The following KCNIP4 variants were observed in gnomAD, a reference collection of about 807,000 sequenced individuals.
The protein encoded by KCNIP4 is Kv channel-interacting protein 4.
Under a neutral mutation model 34.0 loss-of-function variants are expected in KCNIP4, and 12 were observed. That is an observed-to-expected ratio of 0.35 (90% CI 0.23 to 0.57). The LOEUF (loss-of-function observed/expected upper bound fraction) is 0.57, where lower values mean the gene tolerates loss of function less well. Among genes scored for constraint, KCNIP4 ranks in the 20% least tolerant of loss-of-function variants. KCNIP4 has a pLI of 0.83. For synonymous variants in KCNIP4, 124 were observed against 102.2 expected, an observed-to-expected ratio of 1.21 and a Z score of -1.29; for missense variants, 238 against 311.7, an observed-to-expected ratio of 0.76 and a Z score of 1.78.
intron 1 of KCNIP4, among the ~76,000 whole-genome samples, chr4:20,944,941 TC>T: frequency 6.6e-6 from 1 of 152,158 alleles, no homozygotes; most frequent in African/African-American, 2.4e-5. Flanking sequence ...CTTAATAACT[TC>T]CCCAATGATC....
chr4:20,996,421 G>A (rs1015428590), intron 1 of KCNIP4, among the ~76,000 whole-genome samples: 6 of 152,122 alleles, frequency 3.9e-5, no homozygotes, highest in African/African-American at 1.4e-4. Context: ...TCAGACCAAT[G>A]TAATCCTGTC....
At chr4:20,901,502 A>C (rs2149552541) in intron 1 of KCNIP4, among the ~76,000 whole-genome samples, 1 of 152,334 alleles carries the variant, frequency 6.6e-6, no homozygotes, top group Non-Finnish European at 1.5e-5. Context: ...GTGTCATATT[A>C]GTCATCTGGA....
chr4:21,015,605 AATATAATATAATAT>A lies in KCNIP4; in HGVS notation c.62-132910_62-132897del, dbSNP rs1739441243. Among the ~76,000 whole-genome samples the A allele has an allele frequency of 4.7e-5, 6 of 126,572 alleles. 1 individual carries two copies. In the South Asian group the frequency reaches 1.4e-3, roughly 29 times the overall value. 83.0% of individuals were successfully genotyped at this position (126,572 alleles called of 152,430 possible). A position where few individuals can be genotyped will look rare whatever the true frequency, so the allele number is the denominator to read the frequency against. ...ATAATATAATATAGTATATTGTATT[AATATAATATAATAT>A]AGTATATTGTATTAATATAATATAA... On this transcript the variant is annotated intron_variant, in intron 1 of 8. Coordinates refer to ENST00000382152, the MANE Select transcript of KCNIP4 (RefSeq NM_025221.6).
intron 1 of KCNIP4, among the ~76,000 whole-genome samples, chr4:21,401,015 G>A (rs976267277): frequency 6.6e-6 from 1 of 152,056 alleles, no homozygotes; most frequent in African/African-American, 2.4e-5. Context: ...ACAAAAATTA[G>A]CTGGGCATGG....
intron 1 of KCNIP4, among the ~76,000 whole-genome samples, chr4:21,073,252 A>G (rs1745148524): frequency 6.6e-6 from 1 of 152,154 alleles, no homozygotes; most frequent in South Asian, 2.1e-4. Flanking sequence ...GGCCATTTTC[A>G]TGATATTGAT....
At chr4:20,756,977 A>G (rs1283316785) in intron 4 of KCNIP4, among the ~76,000 whole-genome samples, 3 of 151,900 alleles carry the variant, frequency 2.0e-5, no homozygotes, top group Non-Finnish European at 2.9e-5. Flanking sequence ...TAATTCTCAA[A>G]TCTCTATCTC....
chr4:20,982,819 A>G (rs1434151747), intron 1 of KCNIP4, among the ~76,000 whole-genome samples: 1 of 152,218 alleles, frequency 6.6e-6, no homozygotes, highest in Non-Finnish European at 1.5e-5. Flanking sequence ...GCAAGTTTAA[A>G]TATTTCCATC....
intron 1 of KCNIP4, among the ~76,000 whole-genome samples, chr4:21,430,032 T>C (rs1439157886): frequency 6.6e-6 from 1 of 152,176 alleles, no homozygotes; most frequent in African/African-American, 2.4e-5. Context: ...AAGGCTGATA[T>C]ACTTTGGTAC....
intron 1 of KCNIP4, among the ~76,000 whole-genome samples, chr4:21,607,090 C>T (rs1333693570): frequency 6.6e-6 from 1 of 151,634 alleles, no homozygotes; most frequent in East Asian, 2.0e-4. Context: ...AAGATGTGGC[C>T]ACCTTGGGGT....
intron 1 of KCNIP4, among the ~76,000 whole-genome samples, chr4:21,842,585 C>A (rs1048444855): frequency 1.3e-5 from 2 of 152,016 alleles, no homozygotes; most frequent in Non-Finnish European, 2.9e-5. Context: ...ATTTTATGTA[C>A]AAATATTTTA....
At chr4:21,737,141 C>T (rs902022373) in intron 1 of KCNIP4, among the ~76,000 whole-genome samples, 3 of 152,158 alleles carry the variant, frequency 2.0e-5, no homozygotes, top group Admixed American at 2.0e-4. Context: ...TCAGAAATAA[C>T]GCCTAAGGTC....
At chr4:21,712,299 T>C (rs560445022) in intron 1 of KCNIP4, among the ~76,000 whole-genome samples, 1 of 152,200 alleles carries the variant, frequency 6.6e-6, no homozygotes. Flanking sequence ...GCTGGCTTTA[T>C]TGTAAGTCAA....
chr4:21,066,723 C>T (rs138566794), intron 1 of KCNIP4, among the ~76,000 whole-genome samples: 2,383 of 152,294 alleles, frequency 0.016, 32 homozygotes, highest in Non-Finnish European at 0.026. Context: ...GCAAATTGCC[C>T]GTCCCAGTTG....
chr4:21,587,821 G>A (rs561312130), intron 1 of KCNIP4, among the ~76,000 whole-genome samples: 1 of 152,138 alleles, frequency 6.6e-6, no homozygotes, highest in South Asian at 2.1e-4. Context: ...GGAAATCTTA[G>A]CAAACAGTTA....
At chr4:21,420,773 C>CA (rs1560388176) in intron 1 of KCNIP4, among the ~76,000 whole-genome samples, 2 of 152,032 alleles carry the variant, frequency 1.3e-5, no homozygotes, top group African/African-American at 4.8e-5. Flanking sequence ...AGGCAACAAG[C>CA]AAAAGCAGAT....
intron 1 of KCNIP4, among the ~76,000 whole-genome samples, chr4:21,714,858 TA>T (rs1714102090): frequency 5.1e-3 from 1 of 198 alleles, no homozygotes; most frequent in Non-Finnish European, 8.6e-3. Flanking sequence ...TATTTTATTT[TA>T]TTTTATTTTA....
chr4:21,276,958 G>A (rs1373706574), intron 1 of KCNIP4, among the ~76,000 whole-genome samples: 1 of 152,182 alleles, frequency 6.6e-6, no homozygotes, highest in Non-Finnish European at 1.5e-5. Context: ...CAGCAACAAT[G>A]TTGAGACTAT....
chr4:21,019,675 T>G (rs1560651609), intron 1 of KCNIP4, among the ~76,000 whole-genome samples: 1 of 152,042 alleles, frequency 6.6e-6, no homozygotes, highest in Non-Finnish European at 1.5e-5. Context: ...TTTGTTCAAA[T>G]CAAATACAGT....
chr4:21,276,485 G>A (rs1195975522), intron 1 of KCNIP4, among the ~76,000 whole-genome samples: 1 of 151,790 alleles, frequency 6.6e-6, no homozygotes, highest in Non-Finnish European at 1.5e-5. Context: ...GATCACAGGC[G>A]TGAGCCACCG....
Sources: gnomAD v4.1 joint callset for allele counts (sites outside exome capture counted in the v4.1 genomes callset) on GRCh38, gnomAD v4.1.1 for gene constraint, MANE v1.5 for transcripts, NCBI Gene and HGNC (gene_info 2026-07-23, HGNC 2026-07-21) for gene names.